The following DOP1B variants were observed in gnomAD, a reference collection of about 807,000 sequenced individuals.
The protein encoded by DOP1B is DOP1 leucine zipper like protein B.
Under a neutral mutation model 233.5 loss-of-function variants are expected in DOP1B, and 174 were observed. That is an observed-to-expected ratio of 0.75 (90% CI 0.66 to 0.85). The LOEUF is 0.85. Ranked by LOEUF, DOP1B falls within the 40% of genes least tolerant of loss-of-function variation. DOP1B has a pLI of 0.00. For synonymous variants in DOP1B, 1,190 were observed against 1,185.6 expected, an observed-to-expected ratio of 1.00 and a Z score of -0.08; for missense variants, 2,652 against 2,846.6, an observed-to-expected ratio of 0.93 and a Z score of 1.56.
chr21:36,217,132 C>T (rs575821615), intron 9 of DOP1B, among the ~76,000 whole-genome samples: 110 of 151,460 alleles, frequency 7.3e-4, no homozygotes, highest in Non-Finnish European at 1.3e-3. Context: ...CTCTCTCTGG[C>T]CTTGGGATGG....
At chr21:36,176,675 G>A (rs924603433) in intron 2 of DOP1B, among the ~76,000 whole-genome samples, 6 of 152,116 alleles carry the variant, frequency 3.9e-5, no homozygotes, top group African/African-American at 1.4e-4. Flanking sequence ...GGGAATTCTT[G>A]ACTGGCTTCA....
chr21:36,189,570 C>T (rs959788943), intron 2 of DOP1B, among the ~76,000 whole-genome samples: 5 of 151,680 alleles, frequency 3.3e-5, no homozygotes, highest in Admixed American at 6.6e-5. Flanking sequence ...CGTAGCTGGG[C>T]GTGCTGGTGC....
chr21:36,261,921 A>G (rs1273985173), intron 24 of DOP1B: 8 of 980,302 alleles, frequency 8.2e-6, no homozygotes, highest in Non-Finnish European at 9.7e-6. Flanking sequence ...AAAAAGGAAA[A>G]AAAATGGGGG....
chr21:36,239,665 G>A, intron 17 of DOP1B, 100 bp from the exon 18 acceptor site: 2 of 1,337,822 alleles, frequency 1.5e-6, no homozygotes, highest in Non-Finnish European at 2.0e-6. Flanking sequence ...GAGGTCCTAG[G>A]GTACCTGTGT....
Position 36,292,230 on chromosome 21 carries a change from T to G in DOP1B, c.6642T>G (p.Phe2214Leu). The part of the protein sequence containing the change: ...VRILELLKLK[F>L]GEISSSDEIT... ...TTCTAGAACTTCTAAAATTAAAGTTTGGGGTAAGTGCTTTTCTTTTCTTTT... is the reference window on the plus strand; with the variant it reads ...TTCTAGAACTTCTAAAATTAAAGTTGGGGGTAAGTGCTTTTCTTTTCTTTT... The change falls in exon 36 of 37, where the codon TTT becomes TTG. Residue 2214 changes from phenylalanine to leucine, a missense_variant. Coordinates refer to ENST00000691173, the MANE Select transcript of DOP1B (RefSeq NM_001320714.2). The G allele has an allele frequency of 6.3e-7, 1 of 1,581,234 alleles. No individual in the cohort carries two copies. Among genetic ancestry groups the G allele is most frequent in the Non-Finnish European group, 8.5e-7 (1 of 1,170,422 alleles).
chr21:36,219,490 A>G lies in DOP1B; in HGVS notation c.1248A>G (p.Ile416Met), dbSNP rs1399926398. The G allele has an allele frequency of 3.7e-6, 6 of 1,614,078 alleles. No individual in the cohort carries two copies. The African/African-American group carries it at 5.3e-5, about 14-fold the overall frequency. ...ACACCCAGAGTGGAAATTCGCTGAT[A>G]AGGTATGGGTTTGGCCTTGAACCTC... is the stretch of plus-strand genomic sequence containing the variant. ...LSYTQSGNSLISAIKENRNAS... is the reference protein window; with the variant it reads ...LSYTQSGNSLMSAIKENRNAS... Residue 416 changes from isoleucine to methionine, a missense_variant and splice_region_variant, in exon 10 of 37, where the codon ATA becomes ATG. This residue lies in a region of DOP1B where 2,617 missense variants were observed against 2,794.3 expected (regional missense o/e 0.94). Coordinates refer to ENST00000691173, the MANE Select transcript of DOP1B (RefSeq NM_001320714.2).
Position 36,275,606 on chromosome 21 carries a change from G to A in DOP1B, c.5633-1415G>A, listed in dbSNP as rs1298021621. ...TGTACTCCAGCCTGGGCAACAAAGC[G>A]AGAACTTGTCTCAAAAAAAAAAAAA... On this transcript the variant is annotated intron_variant, in intron 27 of 36. Transcript: ENST00000691173. 3.5e-5 allele frequency among the ~76,000 whole-genome samples: 5 copies of A among 141,088 alleles called. No individual in the cohort carries two copies. In the South Asian group the frequency reaches 6.7e-4, roughly 19 times the overall value. 92.6% of individuals were successfully genotyped at this position (141,088 alleles called of 152,430 possible). A position where few individuals can be genotyped will look rare whatever the true frequency, so the allele number is the denominator to read the frequency against.
chr21:36,220,101 A>G (rs2051245), intron 10 of DOP1B, among the ~76,000 whole-genome samples: 111,432 of 152,004 alleles, frequency 0.73, 41,283 homozygotes, highest in African/African-American at 0.84. Flanking sequence ...CTTTTAAGGG[A>G]ATACAACTTT....
chr21:36,222,127 C>T (rs1224818254), intron 10 of DOP1B, among the ~76,000 whole-genome samples: 1 of 152,088 alleles, frequency 6.6e-6, no homozygotes, highest in Non-Finnish European at 1.5e-5. Flanking sequence ...CTGCCTCGGC[C>T]TCCCAAAGTG....
At chr21:36,213,237 A>G (rs2066520944) in intron 7 of DOP1B, among the ~76,000 whole-genome samples, 1 of 152,176 alleles carries the variant, frequency 6.6e-6, no homozygotes. Flanking sequence ...TTGTATGTAA[A>G]GGATGATTTT....
intron 20 of DOP1B, 78 bp from the exon 21 acceptor site, chr21:36,248,302 G>A (rs770016348): frequency 7.3e-6 from 11 of 1,503,298 alleles, no homozygotes; most frequent in Admixed American, 5.4e-5. Context: ...ACCTAATCCC[G>A]CTAGCACTGC....
At chr21:36,293,288 A>T (rs367587966) in intron 36 of DOP1B, 32 bp from the exon 37 acceptor site, 3 of 1,605,792 alleles carry the variant, frequency 1.9e-6, no homozygotes, top group Non-Finnish European at 2.6e-6. Flanking sequence ...CAGTAAAACC[A>T]TATCATTGTT....
intron 9 of DOP1B, among the ~76,000 whole-genome samples, chr21:36,218,795 T>G (rs2066590879): frequency 6.6e-6 from 1 of 152,216 alleles, no homozygotes. Context: ...CCTGCCTGGT[T>G]GCAGGGAAGC....
intron 4 of DOP1B, among the ~76,000 whole-genome samples, 197 bp downstream of exon 4, chr21:36,200,698 C>T (rs1279365364): frequency 6.6e-6 from 1 of 152,106 alleles, no homozygotes; most frequent in Non-Finnish European, 1.5e-5. Context: ...AAAAATTTAG[C>T]CGGGCATGGT....
intron 1 of DOP1B, among the ~76,000 whole-genome samples, chr21:36,161,209 G>A (rs1012711748): frequency 3.9e-5 from 6 of 151,922 alleles, no homozygotes; most frequent in African/African-American, 7.3e-5. Context: ...GCAATGGTGC[G>A]ATCTGAGCCC....
chr21:36,253,652 A>G (rs2067056894), intron 22 of DOP1B, 120 bp from the exon 23 acceptor site: 6 of 1,163,840 alleles, frequency 5.2e-6, no homozygotes, highest in Non-Finnish European at 7.0e-6. Flanking sequence ...AAAAAAAAAA[A>G]GAGATGAAAA....
At chr21:36,265,951 T>C (rs923647126) in intron 26 of DOP1B, among the ~76,000 whole-genome samples, 1 of 152,080 alleles carries the variant, frequency 6.6e-6, no homozygotes, top group Non-Finnish European at 1.5e-5. Context: ...CATTCAATTC[T>C]GGCATTCCCC....
intron 2 of DOP1B, among the ~76,000 whole-genome samples, chr21:36,196,690 C>T (rs977253434): frequency 7.2e-5 from 11 of 152,100 alleles, no homozygotes; most frequent in African/African-American, 2.7e-4. Flanking sequence ...AGGAGGATTG[C>T]GTGAGCCCAG....
rs779464456 is a variant in DOP1B at position 36,246,207 on chromosome 21, C to T, written c.4227C>T (p.His1409=). 42 of 1,613,856 alleles carry T rather than the reference C, an allele frequency of 2.6e-5. No individual in the cohort carries two copies. In the South Asian group the frequency reaches 2.7e-4, roughly 11 times the overall value. The part of the protein sequence containing the change: ...QKRYGLATAH[H]GRALPEDSLF... ...GCTACGGGCTGGCCACCGCCCACCA[C>T]GGCAGGGCCCTGCCAGAGGACAGCC... Residue 1409 remains histidine (H), a synonymous_variant, in exon 19 of 37, where the codon CAC becomes CAT. Coordinates refer to ENST00000691173, the MANE Select transcript of DOP1B (RefSeq NM_001320714.2). This position sits in a 1 kb window ranked among gnomAD's most constrained non-coding sequence, Gnocchi z 5.1.
Sources: allele counts gnomAD v4.1 joint callset (sites outside exome capture counted in the v4.1 genomes callset), GRCh38; gene constraint gnomAD v4.1.1; regional missense constraint gnomAD v4.1.1; non-coding constraint Gnocchi (gnomAD v3.1); transcripts MANE v1.5; gene names NCBI Gene and HGNC (gene_info 2026-07-23, HGNC 2026-07-21).